Variants in MTRES1 observed in about 807,000 individuals in gnomAD.
MTRES1 encodes mitochondrial transcription rescue factor 1.
MTRES1 carries 11 observed loss-of-function variants against 17.4 expected under a neutral mutation model. The ratio of observed to expected loss-of-function variants is 0.63; its 90% CI spans 0.40 to 1.05. The LOEUF is 1.05. MTRES1 is among the 50% of genes least tolerant of loss of function. MTRES1 has a pLI of 0.00. For synonymous variants in MTRES1, 94 were observed against 99.6 expected, an observed-to-expected ratio of 0.94 and a Z score of 0.34; for missense variants, 268 against 276.2, an observed-to-expected ratio of 0.97 and a Z score of 0.21.
chr6:107,044,266 G>A lies in MTRES1; in HGVS notation c.477G>A (p.Val159=), dbSNP rs782687585. The A allele has an allele frequency of 7.4e-6, 12 of 1,613,478 alleles. No homozygotes were observed. Among genetic ancestry groups the A allele is most frequent in the African/African-American group, 1.3e-5 (1 of 74,892 alleles). ...KTGLDIGRNK[V]EDAFYKGELR... ...GCTTTTTTTTGTTTTGTAGCAAAGT[G>A]GAAGATGCTTTCTACAAAGGTGAAC... is the stretch of plus-strand genomic sequence containing the variant. Residue 159 remains valine, a synonymous_variant, in exon 3 of 4, where the codon GTG becomes GTA. Transcript: ENST00000311381.
chr6:107,030,097 C>T (rs563872183), intron 1 of MTRES1: 1 of 718,336 alleles, frequency 1.4e-6, no homozygotes, highest in Admixed American at 2.0e-5. Context: ...CAGATTAGTG[C>T]TTGGCACATG....
chr6:107,028,544 G>GTGGGT (rs1773715725), intron 1 of MTRES1: 1 of 152,238 alleles, frequency 6.6e-6, no homozygotes, highest in Non-Finnish European at 1.5e-5. Flanking sequence ...TGACCTTGGG[G>GTGGGT]ACCCAGGAAG....
chr6:107,038,262 A>G lies in MTRES1; in HGVS notation c.-12-1487A>G, dbSNP rs189732598. ...ATCAGAGGTATCAATCCTAAGGTAC[A>G]ATCTAGGCACAAAGGAAAGTCATTT... On this transcript the variant is annotated intron_variant, in intron 1 of 3. Coordinates refer to ENST00000311381, the MANE Select transcript of MTRES1 (RefSeq NM_016487.5). Among the ~76,000 whole-genome samples, 185 of 152,318 alleles carry G rather than the reference A, an allele frequency of 1.2e-3. 3 individuals are homozygous for G. The highest frequency in any genetic ancestry group is 4.3e-3 in the African/African-American group (178 of 41,580).
At chr6:107,034,571 C>T (rs1773946776) in intron 1 of MTRES1, among the ~76,000 whole-genome samples, 1 of 152,148 alleles carries the variant, frequency 6.6e-6, no homozygotes, top group Non-Finnish European at 1.5e-5. Flanking sequence ...CTTTGCAGCT[C>T]GGATGCCTAG....
At chr6:107,037,906 A>G (rs1554227103) in intron 1 of MTRES1, among the ~76,000 whole-genome samples, 1 of 151,910 alleles carries the variant, frequency 6.6e-6, no homozygotes, top group Non-Finnish European at 1.5e-5. Context: ...TTTAGTAGAG[A>G]TGGGGTTTCA....
At chr6:107,041,796 G>A (rs1441184873) in intron 2 of MTRES1, among the ~76,000 whole-genome samples, 1 of 151,912 alleles carries the variant, frequency 6.6e-6, no homozygotes, top group Non-Finnish European at 1.5e-5. Context: ...CAAAGTGCTG[G>A]GATTACAGGC....
rs142589102 is a variant in MTRES1, at chr6:107,037,652, C to G, written c.-12-2097C>G. 1.4e-3 allele frequency among the ~76,000 whole-genome samples: 207 copies of G among 152,332 alleles called. 2 individuals carry two copies. The highest frequency in any genetic ancestry group is 4.6e-3 in the African/African-American group (191 of 41,584). On this transcript the variant is annotated intron_variant, in intron 1 of 3. Coordinates refer to ENST00000311381, the MANE Select transcript of MTRES1 (RefSeq NM_016487.5). ...GTAAAAGTAATTATTGGCAACATTT[C>G]TCTTGAAGGTACTTCAGGTAGTTTC...
intron 1 of MTRES1, among the ~76,000 whole-genome samples, chr6:107,035,048 A>G (rs1357009779): frequency 1.3e-5 from 2 of 152,094 alleles, no homozygotes; most frequent in Admixed American, 6.6e-5. Flanking sequence ...TGTGCCACTT[A>G]GCGTATTCTT....
At chr6:107,042,412 T>C (rs1774252167) in intron 2 of MTRES1, among the ~76,000 whole-genome samples, 1 of 150,128 alleles carries the variant, frequency 6.7e-6, no homozygotes, top group South Asian at 2.1e-4. Context: ...CTGATCAGGG[T>C]GCCATTAGAG....
intron 1 of MTRES1, among the ~76,000 whole-genome samples, chr6:107,035,589 A>T (rs1353193264): frequency 6.6e-6 from 1 of 152,142 alleles, no homozygotes; most frequent in African/African-American, 2.4e-5. Flanking sequence ...CAGATTTTAC[A>T]TTGTGAAGGA....
intron 1 of MTRES1, among the ~76,000 whole-genome samples, chr6:107,036,110 C>T (rs1773998888): frequency 6.6e-6 from 1 of 151,882 alleles, no homozygotes; most frequent in African/African-American, 2.4e-5. Context: ...TTATTAATGC[C>T]CCGATATTCA....
At chr6:107,042,955 CCT>C (rs1554227941) in intron 2 of MTRES1, among the ~76,000 whole-genome samples, 1 of 152,118 alleles carries the variant, frequency 6.6e-6, no homozygotes, top group African/African-American at 2.4e-5. Context: ...CTTTGGTCTC[CCT>C]GTTTCAGATA....
intron 1 of MTRES1, chr6:107,028,815 A>G (rs1211347251): frequency 1.4e-5 from 12 of 864,284 alleles, no homozygotes; most frequent in Non-Finnish European, 1.7e-5. Context: ...CAGATTGTAT[A>G]CCTCTCCTGA....
intron 1 of MTRES1, among the ~76,000 whole-genome samples, chr6:107,035,238 A>G (rs1265708140): frequency 5.3e-5 from 8 of 151,418 alleles, no homozygotes; most frequent in Non-Finnish European, 8.8e-5. Flanking sequence ...GGTTCAAGCA[A>G]TTCTCCTGCC....
chr6:107,046,862 G>A (rs1043682366), intron 3 of MTRES1, among the ~76,000 whole-genome samples: 1 of 152,046 alleles, frequency 6.6e-6, no homozygotes, highest in Non-Finnish European at 1.5e-5. Flanking sequence ...ATCTCTTCCT[G>A]GGATCAGTTG....
chr6:107,034,531 A>T lies in MTRES1; in HGVS notation c.-12-5218A>T, dbSNP rs150187488. ...TAACTTGGAGTCAGAACACTGATGG[A>T]CAGTTCAGCATGGTAGTAATGAGTC... is the stretch of plus-strand genomic sequence containing the variant. On this transcript the variant is annotated intron_variant, in intron 1 of 3. Transcript: ENST00000311381. Among the ~76,000 whole-genome samples, 663 of 152,234 alleles carry T rather than the reference A, an allele frequency of 4.4e-3. 1 individual carries two copies. The highest frequency in any genetic ancestry group is 0.015 in the African/African-American group (633 of 41,538).
chr6:107,029,172 C>G (rs1448410661), intron 1 of MTRES1, among the ~76,000 whole-genome samples: 47 of 146,628 alleles, frequency 3.2e-4, no homozygotes, highest in African/African-American at 1.2e-3. Flanking sequence ...ACTACAGGCG[C>G]ACACCGCCAC....
At position 107,040,072 on chromosome 6, in the gene MTRES1, G is replaced by A; in HGVS notation, c.312G>A (p.Glu104=). 6.2e-7 allele frequency: 1 copy of A among 1,613,736 alleles called. No individual in the cohort carries two copies. Among genetic ancestry groups the A allele is most frequent in the Non-Finnish European group, 8.5e-7 (1 of 1,179,984 alleles). The part of the protein sequence containing the change: ...TKKSLQKVDE[E]DSDEESHHDE... ...AGTCTCTGCAAAAAGTAGATGAAGA[G>A]GACTCTGATGAAGAAAGCCATCATG... The change falls in exon 2 of 4, where the codon GAG becomes GAA. Residue 104 remains glutamate (E), a synonymous_variant. Coordinates refer to ENST00000311381, the MANE Select transcript of MTRES1 (RefSeq NM_016487.5).
chr6:107,044,568 C>T (rs1423713654), intron 3 of MTRES1, among the ~76,000 whole-genome samples: 12 of 152,174 alleles, frequency 7.9e-5, no homozygotes, highest in African/African-American at 2.9e-4. Context: ...TTTTAGAATA[C>T]ACCACTGTTA....
Sources: gnomAD v4.1 joint callset for allele counts (sites outside exome capture counted in the v4.1 genomes callset) on GRCh38, gnomAD v4.1.1 for gene constraint, MANE v1.5 for transcripts, NCBI Gene and HGNC (gene_info 2026-07-23, HGNC 2026-07-21) for gene names.